Variants in POC1B observed in about 807,000 individuals in gnomAD.
The protein encoded by POC1B is POC1 centriolar protein homolog B.
In POC1B, 44 loss-of-function variants were observed where a neutral mutation model predicts 60.6. The observed-to-expected ratio is 0.73, with a 90% CI of 0.57 to 0.93. The LOEUF (loss-of-function observed/expected upper bound fraction) is 0.93. Ranked by LOEUF, POC1B falls within the 40% of genes least tolerant of loss-of-function variation. POC1B has a pLI of 0.00. For missense variants in POC1B, 555 were observed against 572.3 expected (o/e 0.97, Z 0.31); for synonymous variants, 180 against 198.9 (o/e 0.90, Z 0.80).
chr12:89,404,078 G>A, the POC1B span, among the ~76,000 whole-genome samples: 1 of 151,674 alleles, frequency 6.6e-6, no homozygotes, highest in African/African-American at 2.4e-5. Flanking sequence ...GTTGCGATAA[G>A]CTGAGATCGC....
At position 89,471,724 on chromosome 12, in the gene POC1B, G is replaced by A; in HGVS notation, c.566C>T (p.Ala189Val). 5 of 1,559,334 alleles carry A rather than the reference G, an allele frequency of 3.2e-6. No homozygotes were observed. The highest frequency in any genetic ancestry group is 4.3e-6 in the Non-Finnish European group (5 of 1,150,446). ...VNNFSDSVGF[A>V]NFVDFNPSGT... is the part of the protein sequence containing the mutation. ...ACTAGGGTTAAAGTCCACAAAATTT[G>A]CAAATCTAGGAGGAAAGAATAAGAT... Residue 189 changes from alanine (A) to valine (V), a missense_variant, in exon 6 of 12, where the codon GCA becomes GTA. Ala to Val is a moderately conservative substitution (Grantham distance 64). Coordinates refer to ENST00000313546, the MANE Select transcript of POC1B (RefSeq NM_172240.3).
chr12:89,486,206 C>T (rs1388609806), intron 4 of POC1B, among the ~76,000 whole-genome samples: 1 of 152,104 alleles, frequency 6.6e-6, no homozygotes, highest in Non-Finnish European at 1.5e-5. Context: ...CAGTGCCTGG[C>T]AAGAGAATAC....
chr12:89,434,969 AGAC>A, intron 10 of POC1B, among the ~76,000 whole-genome samples: 1 of 152,228 alleles, frequency 6.6e-6, no homozygotes, highest in Non-Finnish European at 1.5e-5. Context: ...AAAACTTAGC[AGAC>A]AAAGATCTAT....
chr12:89,522,672 A>G (rs1440702978), intron 2 of POC1B: 1 of 1,124,062 alleles, frequency 8.9e-7, no homozygotes, highest in Non-Finnish European at 1.2e-6. Context: ...ATATACCAAA[A>G]TGAACCCCAG....
intron 3 of POC1B, 171 bp downstream of exon 3, chr12:89,497,000 T>C (rs930967286): frequency 2.0e-5 from 14 of 694,246 alleles, no homozygotes; most frequent in African/African-American, 1.5e-4. Context: ...GAAGACATAA[T>C]TTTGAGGAAA....
chr12:89,497,339 G>A lies in POC1B; in HGVS notation c.104C>T (p.Thr35Ile). ...DLSPNGKQLA[T>I]ASWDTFLMLW... ...CATGAGAAAGGTATCCCAAGAAGCA[G>A]TAGCTATCAAGAAATAGAAGAACAA... Residue 35 changes from threonine to isoleucine, a missense_variant, in exon 3 of 12, where the codon ACT becomes ATT. Thr to Ile is a moderately conservative substitution (Grantham distance 89). Coordinates refer to ENST00000313546, the MANE Select transcript of POC1B (RefSeq NM_172240.3). 1 of 1,610,614 alleles carries A rather than the reference G, an allele frequency of 6.2e-7. No homozygotes were observed. Among genetic ancestry groups the A allele is most frequent in the Non-Finnish European group, 8.5e-7 (1 of 1,178,818 alleles).
chr12:89,420,796 G>T lies in POC1B; in HGVS notation c.*357C>A. ...TGTCTGAATATGGTCAATCTGAAAT[G>T]ACTTAACAGTGAAATCCAGAGATCT... On this transcript the variant is annotated 3_prime_UTR_variant, in exon 12 of 12. Transcript: ENST00000313546. The T allele has an allele frequency of 5.4e-6, 1 of 186,182 alleles. No homozygotes were observed. Among genetic ancestry groups the T allele is most frequent in the Non-Finnish European group, 1.1e-5 (1 of 88,934 alleles). The allele number at this position is 186,182 out of a possible 1,614,324, so 11.5% of individuals were successfully genotyped here. A position where few individuals can be genotyped will look rare whatever the true frequency, so the allele number is the denominator to read the frequency against.
chr12:89,499,135 C>A (rs1305773584), intron 2 of POC1B, among the ~76,000 whole-genome samples: 1 of 151,916 alleles, frequency 6.6e-6, no homozygotes, highest in Non-Finnish European at 1.5e-5. Flanking sequence ...AGAGAAGAGA[C>A]CGGTGGGAGG....
intron 2 of POC1B, chr12:89,522,966 G>A (rs377746172): frequency 8.2e-5 from 132 of 1,613,866 alleles, no homozygotes; most frequent in Non-Finnish European, 1.1e-4. Context: ...GCCAAATAAT[G>A]TTTGCTGGTA....
intron 2 of POC1B, among the ~76,000 whole-genome samples, chr12:89,507,632 GTT>G (rs1869969787): frequency 6.6e-6 from 1 of 152,178 alleles, no homozygotes; most frequent in Admixed American, 6.6e-5. Context: ...ATAATCCATT[GTT>G]TCAAGAAATC....
chr12:89,482,827 A>G (rs2135729550), intron 4 of POC1B, among the ~76,000 whole-genome samples: 1 of 152,144 alleles, frequency 6.6e-6, no homozygotes, highest in Admixed American at 6.5e-5. Context: ...ACCCACCCAA[A>G]TCTCATCTTG....
rs565304059 is a variant in POC1B, at chr12:89,434,823, T to A, written c.1114-9444A>T. On this transcript the variant is annotated intron_variant, in intron 10 of 11. Transcript: ENST00000313546. ...ACATGCTAAGTGAATAAGGCAAAGA[T>A]CTATAGTTATCTTTCACACTGTTCA... Among the ~76,000 whole-genome samples, 4 of 152,298 alleles carry A rather than the reference T, an allele frequency of 2.6e-5. No homozygotes were observed. The South Asian group carries it at 8.3e-4, about 32-fold the overall frequency.
intron 10 of POC1B, among the ~76,000 whole-genome samples, chr12:89,437,304 G>A (rs1017463609): frequency 1.3e-5 from 2 of 151,970 alleles, no homozygotes; most frequent in African/African-American, 4.8e-5. Flanking sequence ...CCAATTCTTA[G>A]GGTGAATCCA....
intron 11 of POC1B, among the ~76,000 whole-genome samples, chr12:89,421,757 G>A (rs1192109387): frequency 6.6e-6 from 1 of 152,042 alleles, no homozygotes; most frequent in Admixed American, 6.6e-5. Flanking sequence ...CCTAACAATC[G>A]CCTCCAGTTC....
chr12:89,467,606 G>C lies in POC1B; in HGVS notation c.879+11C>G, dbSNP rs373289484. 1.6e-4 allele frequency: 250 copies of C among 1,603,884 alleles called. 3 individuals are homozygous for C. The highest frequency in any genetic ancestry group is 1.3e-3 in the South Asian group (121 of 90,228). On this transcript the variant is annotated intron_variant, in intron 8 of 11. Coordinates refer to ENST00000313546, the MANE Select transcript of POC1B (RefSeq NM_172240.3). The stretch of plus-strand genomic sequence containing the variant: ...TAACCAAATCAAAGAGGAGCTGAAA[G>C]ATTTACAAACCTGTGTGTCTGCACC...
At chr12:89,416,360 A>G (rs1035685379), downstream of POC1B, among the ~76,000 whole-genome samples, 1 of 152,214 alleles carries the variant, frequency 6.6e-6, no homozygotes, top group Non-Finnish European at 1.5e-5. Flanking sequence ...CATGCTCAAT[A>G]TAAGTGGAAT....
At chr12:89,470,754 A>C (rs532779932) in intron 6 of POC1B, among the ~76,000 whole-genome samples, 2 of 152,346 alleles carry the variant, frequency 1.3e-5, no homozygotes, top group South Asian at 4.1e-4. Flanking sequence ...CTTTGGATAT[A>C]TTGCCAATAA....
intron 4 of POC1B, among the ~76,000 whole-genome samples, chr12:89,480,983 G>T (rs546007229): frequency 1.3e-3 from 202 of 152,258 alleles, no homozygotes; most frequent in Middle Eastern, 6.8e-3. Flanking sequence ...TGATCCACCT[G>T]CCTCAGCCTC....
chr12:89,519,486 G>T (rs1870666970), intron 2 of POC1B: 1 of 152,280 alleles, frequency 6.6e-6, no homozygotes, highest in Admixed American at 6.5e-5. Flanking sequence ...AAAAAAGTCA[G>T]AAACAACTCA....
Sources: gnomAD v4.1 joint callset for allele counts (sites outside exome capture counted in the v4.1 genomes callset) on GRCh38, gnomAD v4.1.1 for gene constraint, MANE v1.5 for transcripts, NCBI Gene and HGNC (gene_info 2026-07-23, HGNC 2026-07-21) for gene names.